The following ZNF561 variants were observed in gnomAD, a reference collection of about 807,000 sequenced individuals.
ZNF561 encodes zinc finger protein 561.
A neutral mutation model predicts 16.7 loss-of-function variants in ZNF561; 16 were observed. The observed-to-expected ratio is 0.96, with a 90% confidence interval of 0.65 to 1.45. The LOEUF (loss-of-function observed/expected upper bound fraction) is 1.45. ZNF561 is among the 40% of genes most tolerant of loss of function. The pLI is 0.00. For missense variants in ZNF561, 580 were observed against 578.0 expected, an observed-to-expected ratio of 1.00 and a Z score of -0.04; for synonymous variants, 190 against 192.1, an observed-to-expected ratio of 0.99 and a Z score of 0.09.
chr19:9,616,193 C>T (rs2074550287), intron 4 of ZNF561, among the ~76,000 whole-genome samples: 1 of 152,178 alleles, frequency 6.6e-6, no homozygotes, highest in African/African-American at 2.4e-5. Context: ...TCTGTTATTC[C>T]CCACTGTTTT....
At chr19:9,613,461 C>T (rs1047674429) in intron 5 of ZNF561, among the ~76,000 whole-genome samples, 3 of 152,074 alleles carry the variant, frequency 2.0e-5, no homozygotes, top group Non-Finnish European at 2.9e-5. Flanking sequence ...TCTCGAAGTG[C>T]TAATCTCAAG....
intron 5 of ZNF561, among the ~76,000 whole-genome samples, chr19:9,612,447 T>C (rs1164072397): frequency 6.6e-6 from 1 of 152,076 alleles, no homozygotes; most frequent in African/African-American, 2.4e-5. Context: ...CTTGAACTGC[T>C]GACCTCATGA....
At position 9,611,411 on chromosome 19, in the gene ZNF561, C is replaced by T. The variant is rs778755411; in HGVS notation, c.325-75G>A. On this transcript the variant is annotated intron_variant, in intron 5 of 5. Transcript: ENST00000302851. The stretch of plus-strand genomic sequence containing the variant: ...GATTTCACCCATCTGAACACAGAAG[C>T]ATTTTGATGACAATTATGATTTTAC... 4.3e-6 allele frequency: 6 copies of T among 1,396,812 alleles called. No homozygotes were observed. The South Asian group carries it at 5.1e-5, about 12-fold the overall frequency. The allele number at this position is 1,396,812 out of a possible 1,614,324, so 86.5% of individuals were successfully genotyped here.
chr19:9,617,825 C>T (rs1415241858), intron 3 of ZNF561: 13 of 521,212 alleles, frequency 2.5e-5, no homozygotes, highest in Admixed American at 9.0e-5. Flanking sequence ...CATCCGTCAC[C>T]GCACCCAGCA....
At chr19:9,620,715 C>G (rs530843860) in intron 1 of ZNF561, among the ~76,000 whole-genome samples, 1 of 152,184 alleles carries the variant, frequency 6.6e-6, no homozygotes, top group Non-Finnish European at 1.5e-5. Context: ...AACTTCATTA[C>G]GTACCTAAGA....
At chr19:9,612,730 C>T (rs947568574) in intron 5 of ZNF561, among the ~76,000 whole-genome samples, 1 of 152,172 alleles carries the variant, frequency 6.6e-6, no homozygotes, top group African/African-American at 2.4e-5. Flanking sequence ...ATGATGGGCC[C>T]TTTTGCCAGA....
chr19:9,617,965 C>T (rs903120048), intron 3 of ZNF561, 126 bp downstream of exon 3: 2 of 873,452 alleles, frequency 2.3e-6, no homozygotes, highest in South Asian at 3.1e-5. Context: ...CATCTGGGGA[C>T]TCAGTCCTTG....
chr19:9,613,097 T>C (rs2074490739), intron 5 of ZNF561, among the ~76,000 whole-genome samples: 2 of 152,144 alleles, frequency 1.3e-5, no homozygotes, highest in Non-Finnish European at 2.9e-5. Context: ...AGTCAAATAG[T>C]GTAGATTTTC....
rs1332838850 is a variant in ZNF561, at chr19:9,607,730, AAG to A, written c.*2468_*2469del. On this transcript the variant is annotated 3_prime_UTR_variant, in exon 6 of 6. Transcript: ENST00000302851. ...AACCTAACGACTAAAGTGGAAAAGT[AAG>A]AGTCATTATTTACAGATTATGTGAT... 1 of 152,228 alleles carries A rather than the reference AAG, an allele frequency of 6.6e-6. No individual in the cohort carries two copies. The highest frequency in any genetic ancestry group is 1.5e-5 in the Non-Finnish European group (1 of 68,038). The allele number at this position is 152,228 out of a possible 1,614,324, so 9.4% of individuals were successfully genotyped here.
Position 9,617,053 on chromosome 19 carries a change from G to A in ZNF561, c.233C>T (p.Ala78Val). ...DVMLENYMNL[A>V]SVEWEIQPRT... ...AGTGATGTTACTCTTACCCACAGAGGCCAGGTTCATGTAGTTCTCCAGCAT... is the reference window on the plus strand; with the variant it reads ...AGTGATGTTACTCTTACCCACAGAGACCAGGTTCATGTAGTTCTCCAGCAT... Residue 78 changes from alanine (A) to valine (V), a missense_variant, in exon 4 of 6, where the codon GCC (alanine) becomes GTC (valine). Coordinates refer to ENST00000302851, the MANE Select transcript of ZNF561 (RefSeq NM_152289.3). 1.9e-6 allele frequency: 3 copies of A among 1,611,394 alleles called. No homozygotes were observed. Among genetic ancestry groups the A allele is most frequent in the Non-Finnish European group, 2.5e-6 (3 of 1,178,250 alleles).
At chr19:9,617,689 C>T (rs762928957) in intron 3 of ZNF561, 2 of 457,204 alleles carry the variant, frequency 4.4e-6, no homozygotes, top group Non-Finnish European at 8.8e-6. Context: ...GATCTCAGCA[C>T]AACCAGGCTA....
intron 4 of ZNF561, among the ~76,000 whole-genome samples, chr19:9,616,598 AT>A (rs34124483): frequency 4.1e-4 from 58 of 141,074 alleles, no homozygotes; most frequent in Admixed American, 6.4e-4. Context: ...CATTTTTAGG[AT>A]TTTTTTTTTT....
Position 9,610,274 on chromosome 19 carries a change from G to A in ZNF561, c.1387C>T (p.Arg463Cys), listed in dbSNP as rs146116632. ...ECGKAFAVSS[R>C]LSRHERIHTG... ...TGAATTCTTTCATGTCTACTTAGGC[G>A]TGAGGAAACAGCAAATGCTTTCCCA... Residue 463 changes from arginine (R) to cysteine (C), a missense_variant, in exon 6 of 6, where the codon CGC (arginine) becomes TGC (cysteine). Coordinates refer to ENST00000302851, the MANE Select transcript of ZNF561 (RefSeq NM_152289.3). 341 of 1,613,940 alleles carry A rather than the reference G, an allele frequency of 2.1e-4. No homozygotes were observed. Among genetic ancestry groups the A allele is most frequent in the Non-Finnish European group, 2.6e-4 (301 of 1,179,978 alleles).
chr19:9,614,151 T>G (rs1221767235), intron 4 of ZNF561, 48 bp from the exon 5 acceptor site: 1 of 1,591,960 alleles, frequency 6.3e-7, no homozygotes, highest in Non-Finnish European at 8.6e-7. Context: ...GAAGAAATAT[T>G]CATTTAAAAT....
intron 4 of ZNF561, among the ~76,000 whole-genome samples, chr19:9,615,770 A>AAAT (rs529559977): frequency 6.7e-6 from 1 of 148,268 alleles, no homozygotes; most frequent in African/African-American, 2.5e-5. Flanking sequence ...AAAAAAAAAA[A>AAAT]TTTAACTGGG....
At chr19:9,614,748 T>C (rs1225718068) in intron 4 of ZNF561, among the ~76,000 whole-genome samples, 1 of 152,040 alleles carries the variant, frequency 6.6e-6, no homozygotes, top group Non-Finnish European at 1.5e-5. Context: ...ATCATAGGAA[T>C]GTTTGACAAG....
At chr19:9,616,105 A>G (rs989635212) in intron 4 of ZNF561, among the ~76,000 whole-genome samples, 2 of 152,194 alleles carry the variant, frequency 1.3e-5, no homozygotes, top group Non-Finnish European at 2.9e-5. Context: ...CACAAAGCTG[A>G]TGCTGTTGAT....
At chr19:9,613,882 A>G (rs2074506001) in intron 5 of ZNF561, 139 bp downstream of exon 5, 4 of 988,538 alleles carry the variant, frequency 4.0e-6, no homozygotes, top group South Asian at 1.5e-5. Flanking sequence ...CTTGGGCTCA[A>G]ATGAGACCCC....
intron 5 of ZNF561, among the ~76,000 whole-genome samples, chr19:9,612,839 C>T (rs2074486067): frequency 6.6e-6 from 1 of 152,188 alleles, no homozygotes; most frequent in Non-Finnish European, 1.5e-5. Context: ...CTCTGTCACC[C>T]AGGCTGGGTA....
Sources: gnomAD v4.1 joint callset for allele counts (sites outside exome capture counted in the v4.1 genomes callset) on GRCh38, gnomAD v4.1.1 for gene constraint, MANE v1.5 for transcripts, NCBI Gene and HGNC (gene_info 2026-07-23, HGNC 2026-07-21) for gene names.